DMC1: variants seen among roughly 807,000 people sequenced by gnomAD.
DMC1 encodes the protein meiotic recombination protein DMC1 homolog.
A neutral mutation model predicts 50.1 loss-of-function variants in DMC1; 27 were observed. The observed-to-expected ratio is 0.54, with a 90% CI of 0.40 to 0.74. DMC1 has a LOEUF of 0.74. DMC1 is among the 30% of genes least tolerant of loss of function. The pLI is 0.00. For synonymous variants in DMC1, 148 were observed against 136.1 expected, an observed-to-expected ratio of 1.09 and a Z score of -0.61; for missense variants, 295 against 420.2, an observed-to-expected ratio of 0.70 and a Z score of 2.60.
At chr22:38,550,923 T>C (rs1341701700) in intron 7 of DMC1, among the ~76,000 whole-genome samples, 3 of 70,738 alleles carry the variant, frequency 4.2e-5, no homozygotes, top group East Asian at 3.9e-4. Flanking sequence ...AGATCAAGAC[T>C]CCATCTCAAA....
intron 11 of DMC1, 84 bp downstream of exon 11, chr22:38,538,211 C>T (rs142532265): frequency 2.4e-5 from 27 of 1,121,170 alleles, no homozygotes; most frequent in Non-Finnish European, 3.5e-5. Flanking sequence ...AAAATCGCTG[C>T]CTCCTGACAT....
chr22:38,543,836 C>A (rs1344767208), intron 8 of DMC1, among the ~76,000 whole-genome samples: 3 of 152,138 alleles, frequency 2.0e-5, no homozygotes, highest in African/African-American at 7.2e-5. Flanking sequence ...ATCCTTCCTG[C>A]CAAACTACTC....
In DMC1 at chr22:38,523,080, A is replaced by G. The variant is rs188156579; in HGVS notation, c.837-1356T>C. Among the ~76,000 whole-genome samples, 1,297 of 152,312 alleles carry G rather than the reference A, an allele frequency of 8.5e-3. 7 individuals are homozygous for G. Among genetic ancestry groups the G allele is most frequent in the Non-Finnish European group, 0.015 (1,030 of 68,036 alleles). Reference sequence around the variant, plus strand: ...GCACCATAGTGAGGCCCTCTTAAAAACATTTTTAAAAAAATGTTTTAAATG... The same window carrying G: ...GCACCATAGTGAGGCCCTCTTAAAAGCATTTTTAAAAAAATGTTTTAAATG... On this transcript the variant is annotated intron_variant, in intron 12 of 13. Coordinates refer to ENST00000216024, the MANE Select transcript of DMC1 (RefSeq NM_007068.4).
chr22:38,531,356 G>A (rs1472676686), intron 12 of DMC1, among the ~76,000 whole-genome samples: 4 of 151,704 alleles, frequency 2.6e-5, no homozygotes, highest in Non-Finnish European at 2.9e-5. Flanking sequence ...GCAGCTCCTC[G>A]CTTCTATAAT....
At chr22:38,531,175 C>T (rs1033648340) in intron 12 of DMC1, among the ~76,000 whole-genome samples, 5 of 152,170 alleles carry the variant, frequency 3.3e-5, no homozygotes, top group African/African-American at 7.2e-5. Flanking sequence ...AAGTAGGTGG[C>T]AACATCATGG....
chr22:38,536,211 G>T, intron 12 of DMC1, among the ~76,000 whole-genome samples: 1 of 150,478 alleles, frequency 6.6e-6, no homozygotes. Flanking sequence ...GTGAAACCTT[G>T]TCTCTTAAAA....
Position 38,538,302 on chromosome 22 carries a change from G to A in DMC1, c.768C>T (p.Ile256=), listed in dbSNP as rs1294725656. ...LAQMLSRLQK[I]SEEYNVAVFV... ...TTTATTTTAAAGATATACCTTCTGA[G>A]ATTTTTTGGAGTCGTGACAACATCT... The change falls in exon 11 of 14, where the codon ATC becomes ATT. Residue 256 remains isoleucine, a synonymous_variant. Coordinates refer to ENST00000216024, the MANE Select transcript of DMC1 (RefSeq NM_007068.4). 6.2e-7 allele frequency: 1 copy of A among 1,613,568 alleles called. No homozygotes were observed. The highest frequency in any genetic ancestry group is 1.7e-5 in the Admixed American group (1 of 60,012).
At chr22:38,547,766 T>C (rs1302454878) in intron 8 of DMC1, among the ~76,000 whole-genome samples, 2 of 152,162 alleles carry the variant, frequency 1.3e-5, no homozygotes, top group Non-Finnish European at 2.9e-5. Flanking sequence ...CTCGAACTCC[T>C]GACCTCAGGT....
chr22:38,561,943 C>T (rs2090531584), intron 5 of DMC1, among the ~76,000 whole-genome samples: 1 of 152,126 alleles, frequency 6.6e-6, no homozygotes, highest in Non-Finnish European at 1.5e-5. Context: ...TTTAATCTAA[C>T]AATTGCTTTT....
intron 8 of DMC1, among the ~76,000 whole-genome samples, chr22:38,544,430 G>A (rs192724755): frequency 2.4e-4 from 37 of 152,218 alleles, no homozygotes; most frequent in Admixed American, 7.2e-4. Flanking sequence ...TCCTTGCTTT[G>A]CTTAGTCTTC....
chr22:38,553,871 G>T (rs2090440579), intron 6 of DMC1, among the ~76,000 whole-genome samples: 1 of 148,852 alleles, frequency 6.7e-6, no homozygotes, highest in Non-Finnish European at 1.5e-5. Flanking sequence ...AGGCAGAATT[G>T]CTTGAACCTG....
chr22:38,513,390 G>A, the DMC1 span, among the ~76,000 whole-genome samples: 4 of 152,184 alleles, frequency 2.6e-5, no homozygotes, highest in African/African-American at 9.6e-5. Context: ...AAGAAAACAA[G>A]TGTTATTATG....
intron 7 of DMC1, 88 bp downstream of exon 7, chr22:38,552,578 T>G: frequency 3.1e-6 from 3 of 983,050 alleles, no homozygotes; most frequent in Non-Finnish European, 4.9e-6. Flanking sequence ...TGTTCAGATA[T>G]GAGATTATTT....
intron 4 of DMC1, among the ~76,000 whole-genome samples, chr22:38,565,306 T>C (rs1051832693): frequency 1.3e-5 from 2 of 148,892 alleles, no homozygotes; most frequent in Admixed American, 6.7e-5. Flanking sequence ...CCAGACCAAA[T>C]TGAGAACTAG....
intron 12 of DMC1, among the ~76,000 whole-genome samples, chr22:38,525,358 T>TA (rs1198383017): frequency 6.6e-6 from 1 of 152,074 alleles, no homozygotes; most frequent in Non-Finnish European, 1.5e-5. Flanking sequence ...TAAAAGAAGA[T>TA]AGATTCCCCC....
intron 4 of DMC1, among the ~76,000 whole-genome samples, chr22:38,563,673 G>A (rs1193179044): frequency 6.6e-6 from 1 of 151,524 alleles, no homozygotes; most frequent in Non-Finnish European, 1.5e-5. Context: ...GGCCAATATA[G>A]TAAGACCACC....
chr22:38,562,442 A>G, intron 4 of DMC1, 73 bp from the exon 5 acceptor site: 1 of 1,002,804 alleles, frequency 1.0e-6, no homozygotes, highest in South Asian at 1.3e-5. Context: ...GTTGCCCAAA[A>G]TGATATACTC....
intron 11 of DMC1, 61 bp from the exon 12 acceptor site, chr22:38,537,713 AT>A: frequency 7.7e-7 from 1 of 1,296,388 alleles, no homozygotes. Flanking sequence ...TTAAAAGTTC[AT>A]TGTTTAGATT....
chr22:38,564,536 C>T (rs1253185430), intron 4 of DMC1, among the ~76,000 whole-genome samples: 3 of 152,104 alleles, frequency 2.0e-5, no homozygotes, highest in African/African-American at 7.2e-5. Context: ...TGGTCTTGAA[C>T]TCCTGACCTC....
Sources: gnomAD v4.1 joint callset for allele counts (sites outside exome capture counted in the v4.1 genomes callset) on GRCh38, gnomAD v4.1.1 for gene constraint, MANE v1.5 for transcripts, NCBI Gene and HGNC (gene_info 2026-07-23, HGNC 2026-07-21) for gene names.